Variants in SMAP2 observed in about 807,000 individuals in gnomAD.
The protein encoded by SMAP2 is small ArfGAP2, also known as stromal membrane-associated protein 2.
A neutral mutation model predicts 56.4 loss-of-function variants in SMAP2; 25 were observed. The ratio of observed to expected loss-of-function variants is 0.44; its 90% confidence interval spans 0.32 to 0.62. The LOEUF is 0.62. Among genes scored for constraint, SMAP2 ranks in the 20% least tolerant of loss-of-function variants. SMAP2 has a pLI of 0.04. For synonymous variants in SMAP2, 157 were observed against 181.7 expected (o/e 0.86, Z 1.09); for missense variants, 388 against 545.6 (o/e 0.71, Z 2.88).
chr1:40,415,503 A>C (rs1644978314), intron 7 of SMAP2, 122 bp downstream of exon 7: 1 of 728,066 alleles, frequency 1.4e-6, no homozygotes, highest in Non-Finnish European at 2.5e-6. Context: ...TTGATTCTTC[A>C]TTCTTCCCTT....
chr1:40,414,685 A>G (rs1302049126), intron 6 of SMAP2, among the ~76,000 whole-genome samples: 1 of 152,120 alleles, frequency 6.6e-6, no homozygotes, highest in Non-Finnish European at 1.5e-5. Flanking sequence ...GCTAAACAGC[A>G]CCTTTGAGCC....
Position 40,373,840 on chromosome 1 carries a change from G to T in SMAP2, c.-281G>T, listed in dbSNP as rs1644515443. On this transcript the variant is annotated 5_prime_UTR_variant, in exon 1 of 10. Coordinates refer to ENST00000372718, the MANE Select transcript of SMAP2 (RefSeq NM_022733.3). ...GCGTCCGGCACCCAGGAGGCTCGTG[G>T]TCCGCCTTTGCCTGGGCTGAGGGTC... The T allele has an allele frequency of 3.4e-6, 1 of 296,608 alleles. No individual in the cohort carries two copies. Among genetic ancestry groups the T allele is most frequent in the East Asian group, 6.7e-5 (1 of 15,024 alleles). The allele number at this position is 296,608 out of a possible 1,614,324, so 18.4% of individuals were successfully genotyped here. A position where few individuals can be genotyped will look rare whatever the true frequency, so the allele number is the denominator to read the frequency against.
At chr1:40,362,447 CT>C (rs1008845338) in intron 2 of SMAP2, 2 of 152,202 alleles carry the variant, frequency 1.3e-5, no homozygotes, top group Non-Finnish European at 2.9e-5. Flanking sequence ...GTATGTGAAA[CT>C]GTCTTTATTC....
At chr1:40,392,930 G>A (rs1440024648) in intron 1 of SMAP2, among the ~76,000 whole-genome samples, 1 of 151,876 alleles carries the variant, frequency 6.6e-6, no homozygotes, top group African/African-American at 2.4e-5. Flanking sequence ...AAACCCCGCT[G>A]TCTCTACTAA....
chr1:40,394,425 A>T (rs1247987704), intron 1 of SMAP2, among the ~76,000 whole-genome samples: 1 of 152,036 alleles, frequency 6.6e-6, no homozygotes, highest in Non-Finnish European at 1.5e-5. Context: ...CAGATTTTTA[A>T]GTTTTATCTT....
intron 1 of SMAP2, among the ~76,000 whole-genome samples, chr1:40,381,915 T>C (rs1228119312): frequency 6.6e-6 from 1 of 152,204 alleles, no homozygotes; most frequent in African/African-American, 2.4e-5. Flanking sequence ...GTGCCAGCAG[T>C]AGATACTATG....
At chr1:40,410,402 A>G (rs538374585) in intron 4 of SMAP2, among the ~76,000 whole-genome samples, 1 of 151,764 alleles carries the variant, frequency 6.6e-6, no homozygotes, top group African/African-American at 2.4e-5. Context: ...TGGGATGGAC[A>G]TGTTGCATAT....
At chr1:40,361,228 G>T (rs1644458508) in intron 1 of SMAP2, among the ~76,000 whole-genome samples, 1 of 152,150 alleles carries the variant, frequency 6.6e-6, no homozygotes, top group Non-Finnish European at 1.5e-5. Flanking sequence ...GACATTTCTA[G>T]ACACACCCTG....
chr1:40,393,647 G>A (rs1226295046), intron 1 of SMAP2: 1 of 711,962 alleles, frequency 1.4e-6, no homozygotes, highest in Non-Finnish European at 2.2e-6. Context: ...CCAGGTTCAA[G>A]CGATTCCCCT....
intron 1 of SMAP2, among the ~76,000 whole-genome samples, chr1:40,357,058 G>C (rs1557822305): frequency 6.6e-6 from 1 of 151,978 alleles, no homozygotes; most frequent in Non-Finnish European, 1.5e-5. Flanking sequence ...TATATATTCT[G>C]TTTATTAAGC....
chr1:40,381,543 G>T (rs987433797), intron 1 of SMAP2, among the ~76,000 whole-genome samples: 9 of 151,600 alleles, frequency 5.9e-5, no homozygotes, highest in Non-Finnish European at 1.0e-4. Context: ...GCACTGTTTT[G>T]TGTGTGTGTG....
intron 1 of SMAP2, among the ~76,000 whole-genome samples, chr1:40,355,344 T>C (rs182532087): frequency 3.3e-5 from 5 of 152,306 alleles, no homozygotes; most frequent in Admixed American, 3.3e-4. Context: ...TCTTTTTTGC[T>C]TATTCCTCGT....
intron 9 of SMAP2, among the ~76,000 whole-genome samples, chr1:40,419,871 G>A (rs142668202): frequency 3.2e-4 from 49 of 152,206 alleles, no homozygotes; most frequent in African/African-American, 1.2e-3. Flanking sequence ...CTTTATCAGG[G>A]TTATACTTAT....
At chr1:40,384,460 C>G (rs1370429207) in intron 1 of SMAP2, among the ~76,000 whole-genome samples, 1 of 152,166 alleles carries the variant, frequency 6.6e-6, no homozygotes, top group South Asian at 2.1e-4. Context: ...TACTTGTTTT[C>G]TACGTGATTA....
At chr1:40,359,174 C>T (rs1207819175) in intron 1 of SMAP2, among the ~76,000 whole-genome samples, 1 of 152,232 alleles carries the variant, frequency 6.6e-6, no homozygotes, top group Non-Finnish European at 1.5e-5. Context: ...ACAATCTCAG[C>T]TCACTGCAAC....
At chr1:40,381,485 A>C (rs1297386972) in intron 1 of SMAP2, among the ~76,000 whole-genome samples, 1 of 152,152 alleles carries the variant, frequency 6.6e-6, no homozygotes, top group Non-Finnish European at 1.5e-5. Context: ...AATTTAGGGA[A>C]CTTTGTATTC....
At chr1:40,361,032 C>T (rs1054841902) in intron 1 of SMAP2, among the ~76,000 whole-genome samples, 1 of 152,222 alleles carries the variant, frequency 6.6e-6, no homozygotes, top group South Asian at 2.1e-4. Context: ...CAAGGTAGTG[C>T]TTTTGCCATC....
chr1:40,377,811 C>G (rs1644554993), intron 1 of SMAP2, among the ~76,000 whole-genome samples: 2 of 152,096 alleles, frequency 1.3e-5, no homozygotes, highest in Non-Finnish European at 2.9e-5. Flanking sequence ...AAACTGGACA[C>G]TATCTTATTT....
upstream of SMAP2, among the ~76,000 whole-genome samples, chr1:40,373,440 C>T (rs897645818): frequency 6.6e-6 from 1 of 152,236 alleles, no homozygotes; most frequent in Non-Finnish European, 1.5e-5. Context: ...CAGTGCCTAG[C>T]GCATAGTAAG....
Sources: allele counts gnomAD v4.1 joint callset (sites outside exome capture counted in the v4.1 genomes callset), GRCh38; gene constraint gnomAD v4.1.1; transcripts MANE v1.5; gene names NCBI Gene and HGNC (gene_info 2026-07-23, HGNC 2026-07-21).